Variants in AFF1 observed in about 807,000 individuals in gnomAD.
AFF1 encodes the protein ALF transcription elongation factor 1.
In AFF1, 48 loss-of-function variants were observed where a neutral mutation model predicts 121.7. The ratio of observed to expected loss-of-function variants is 0.39; its 90% CI spans 0.31 to 0.50. The LOEUF is 0.50. Among genes scored for constraint, AFF1 ranks in the 20% least tolerant of loss-of-function variants. The pLI, the probability that AFF1 is intolerant of heterozygous loss-of-function variation, is 0.76. For synonymous variants in AFF1, 613 were observed against 563.0 expected (o/e 1.09, Z -1.26); for missense variants, 1,523 against 1,511.7 (o/e 1.01, Z -0.12).
At chr4:86,956,347 A>C (rs72667739) in intron 2 of AFF1, among the ~76,000 whole-genome samples, 26,490 of 152,172 alleles carry the variant, frequency 0.17, 2,503 homozygotes, top group East Asian at 0.31. Flanking sequence ...TTTTGGAATT[A>C]GTTATTTCCC....
In AFF1 at chr4:87,132,268, T is replaced by G; in HGVS notation, c.3174-3T>G. 1 of 1,611,280 alleles carries G rather than the reference T, an allele frequency of 6.2e-7. No individual in the cohort carries two copies. The highest frequency in any genetic ancestry group is 8.5e-7 in the Non-Finnish European group (1 of 1,179,050). ...GCAGTTTCACTTCTGTCTTTGTTCA[T>G]AGCATGCGTTGCCAGTCCATTTTGA... is the stretch of plus-strand genomic sequence containing the variant. On this transcript the variant is annotated splice_region_variant and splice_polypyrimidine_tract_variant and intron_variant, in intron 18 of 20. Transcript: ENST00000395146.
intron 2 of AFF1, among the ~76,000 whole-genome samples, chr4:86,955,862 T>TGGAA (rs1197800349): frequency 6.6e-6 from 1 of 152,042 alleles, no homozygotes; most frequent in Non-Finnish European, 1.5e-5. Context: ...CTGTAGCCCC[T>TGGAA]GGAAGCTCTC....
At chr4:87,028,703 G>A (rs1184623469) in intron 2 of AFF1, among the ~76,000 whole-genome samples, 1 of 152,172 alleles carries the variant, frequency 6.6e-6, no homozygotes, top group Non-Finnish European at 1.5e-5. Flanking sequence ...TTCTCACACT[G>A]AAGGAAAGTG....
At chr4:86,980,922 C>T (rs1423541966) in intron 2 of AFF1, among the ~76,000 whole-genome samples, 1 of 150,950 alleles carries the variant, frequency 6.6e-6, no homozygotes, top group Non-Finnish European at 1.5e-5. Context: ...CGCCTATAAT[C>T]CCAGCACTTT....
At chr4:87,003,614 ATAT>A (rs1179612083) in intron 2 of AFF1, among the ~76,000 whole-genome samples, 5 of 152,208 alleles carry the variant, frequency 3.3e-5, no homozygotes, top group African/African-American at 1.2e-4. Flanking sequence ...TATAATTTTA[ATAT>A]TATCAATGTT....
At chr4:87,097,264 G>A (rs1161125955) in intron 8 of AFF1, among the ~76,000 whole-genome samples, 2 of 152,196 alleles carry the variant, frequency 1.3e-5, no homozygotes, top group African/African-American at 4.8e-5. Context: ...CAATTGCACC[G>A]AAGTTGGGTA....
intron 2 of AFF1, among the ~76,000 whole-genome samples, chr4:87,045,549 G>C (rs1167758506): frequency 6.6e-6 from 1 of 152,188 alleles, no homozygotes; most frequent in East Asian, 1.9e-4. Context: ...CGTCGGTAGA[G>C]CTGACATCTA....
chr4:87,129,677 TAA>T, intron 16 of AFF1, among the ~76,000 whole-genome samples: 1 of 152,356 alleles, frequency 6.6e-6, no homozygotes, highest in Middle Eastern at 3.4e-3. Flanking sequence ...ATTTTTTGAT[TAA>T]GTTACCTTTT....
intron 4 of AFF1, 125 bp from the exon 5 acceptor site, chr4:87,083,995 T>G: frequency 1.2e-6 from 1 of 843,964 alleles, no homozygotes; most frequent in South Asian, 1.5e-5. Flanking sequence ...TGTAAAGTTC[T>G]TAATACTTAG....
chr4:87,004,985 T>C (rs980509321), intron 2 of AFF1, among the ~76,000 whole-genome samples: 1 of 152,236 alleles, frequency 6.6e-6, no homozygotes, highest in East Asian at 1.9e-4. Context: ...GCACTTTTTT[T>C]CAGTGGATCT....
chr4:87,090,973 C>A (rs555563146), intron 6 of AFF1, among the ~76,000 whole-genome samples: 15 of 142,744 alleles, frequency 1.1e-4, no homozygotes, highest in African/African-American at 3.4e-4. Context: ...TGTAATTAAG[C>A]CACTACACTC....
chr4:87,006,831 A>T (rs867314312), intron 2 of AFF1, among the ~76,000 whole-genome samples: 25 of 152,194 alleles, frequency 1.6e-4, no homozygotes, highest in African/African-American at 5.8e-4. Context: ...GTCGGCGCCC[A>T]GGCTCTGCCC....
At chr4:86,989,060 A>T (rs1468113330) in intron 2 of AFF1, among the ~76,000 whole-genome samples, 1 of 152,162 alleles carries the variant, frequency 6.6e-6, no homozygotes, top group Admixed American at 6.6e-5. Context: ...AGACTTAAAC[A>T]TAAGACCTAA....
intron 4 of AFF1, among the ~76,000 whole-genome samples, chr4:87,072,133 G>T (rs1274608431): frequency 6.6e-6 from 1 of 152,170 alleles, no homozygotes; most frequent in African/African-American, 2.4e-5. Context: ...GGAGGCCGAG[G>T]TGGGCGGATC....
chr4:87,024,262 A>G (rs1419296982), intron 2 of AFF1, among the ~76,000 whole-genome samples: 4 of 152,216 alleles, frequency 2.6e-5, no homozygotes, highest in Admixed American at 6.5e-5. Flanking sequence ...GGAGCAAAGG[A>G]AGGCATAGAA....
chr4:87,019,542 G>A lies in AFF1; in HGVS notation c.39-26624G>A, dbSNP rs544816400. ...TTTTGTCCAGTCACATTTCTACATG[G>A]TTGTCAATCTTGCCTACACTATGAA... On this transcript the variant is annotated intron_variant, in intron 2 of 20. Coordinates refer to ENST00000395146, the MANE Select transcript of AFF1 (RefSeq NM_001166693.3). Among the ~76,000 whole-genome samples the A allele has an allele frequency of 1.3e-4, 20 of 152,270 alleles. No individual in the cohort carries two copies. The South Asian group carries it at 4.1e-3, about 32-fold the overall frequency.
At chr4:86,995,796 T>C (rs1482860164) in intron 2 of AFF1, among the ~76,000 whole-genome samples, 13 of 142,428 alleles carry the variant, frequency 9.1e-5, no homozygotes, top group South Asian at 2.4e-4. Flanking sequence ...TGAGGAGCCC[T>C]TCTGCCTGGC....
chr4:87,006,933 A>G, intron 2 of AFF1: 3 of 1,018,302 alleles, frequency 2.9e-6, no homozygotes, highest in Non-Finnish European at 3.5e-6. Flanking sequence ...TACCACCGCA[A>G]CTTTCTTGAC....
chr4:87,064,705 C>T (rs1402061253), intron 4 of AFF1, among the ~76,000 whole-genome samples: 1 of 151,872 alleles, frequency 6.6e-6, no homozygotes, highest in Non-Finnish European at 1.5e-5. Flanking sequence ...AGGGTGAAAC[C>T]CTGTCTCTAC....
Sources: gnomAD v4.1 joint callset for allele counts (sites outside exome capture counted in the v4.1 genomes callset) on GRCh38, gnomAD v4.1.1 for gene constraint, MANE v1.5 for transcripts, NCBI Gene and HGNC (gene_info 2026-07-23, HGNC 2026-07-21) for gene names.